CDK5R1: variants seen among roughly 807,000 people sequenced by gnomAD.
The protein encoded by CDK5R1 is cyclin-dependent kinase 5 activator 1.
Under a neutral mutation model 19.0 loss-of-function variants are expected in CDK5R1, and 1 was observed. The observed-to-expected ratio is 0.05, with a 90% CI of 0.02 to 0.25. CDK5R1 has a LOEUF of 0.25. CDK5R1 is among the 10% of genes least tolerant of loss of function. CDK5R1 has a pLI of 1.00. For missense variants in CDK5R1, 314 were observed against 401.0 expected (o/e 0.78, Z 1.85); for synonymous variants, 225 against 187.7 (o/e 1.20, Z -1.62).
chr17:32,487,803 G>T lies in CDK5R1; in HGVS notation c.183G>T (p.Lys61Asn). 6.2e-7 allele frequency: 1 copy of T among 1,614,014 alleles called. No homozygotes were observed. ...AGAGAATCGTGGCCGTGTCGGCCAA[G>T]AAGAAGAACTCCAAGAAGGTGCAGC... Reference protein sequence around the residue: ...PWKRIVAVSAKKKNSKKVQPN... With the variant: ...PWKRIVAVSANKKNSKKVQPN... The change falls in exon 2 of 2, where the codon AAG becomes AAT. Residue 61 changes from lysine to asparagine, a missense_variant. Physicochemically the swap from Lys to Asn is moderately conservative, Grantham distance 94. Around this residue, in one of 3 missense-constraint regions of CDK5R1, gnomAD observed 197 missense variants for 230.2 expected, o/e 0.86. Transcript: ENST00000313401. This position sits in a 1 kb window ranked among gnomAD's most constrained non-coding sequence, Gnocchi z 7.9.
At position 32,488,676 on chromosome 17, in the gene CDK5R1, GT is replaced by G. The variant is rs1209037735; in HGVS notation, c.*139del. The G allele has an allele frequency of 8.7e-6, 13 of 1,493,678 alleles. No individual in the cohort carries two copies. The highest frequency in any genetic ancestry group is 2.4e-4 in the Middle Eastern group (1 of 4,218). The allele number at this position is 1,493,678 out of a possible 1,614,324, so 92.5% of individuals were successfully genotyped here. A position where few individuals can be genotyped will look rare whatever the true frequency, so the allele number is the denominator to read the frequency against. The stretch of plus-strand genomic sequence containing the variant: ...ACCTTTCCCACAGTCTCTCCCTGGG[GT>G]TTTTTTCATCCCTGCCAAGAACTCT... On this transcript the variant is annotated 3_prime_UTR_variant, in exon 2 of 2. Transcript: ENST00000313401.
Position 32,488,781 on chromosome 17 carries a change from T to A in CDK5R1, c.*237T>A. On this transcript the variant is annotated 3_prime_UTR_variant, in exon 2 of 2. Coordinates refer to ENST00000313401, the MANE Select transcript of CDK5R1 (RefSeq NM_003885.3). The stretch of plus-strand genomic sequence containing the variant: ...CCACCCAGGCCACTGACCTCCCACT[T>A]TGGGGAACTCAAAGGACTGACCTGC... 1.5e-6 allele frequency: 1 copy of A among 683,896 alleles called. No individual in the cohort carries two copies. Among genetic ancestry groups the A allele is most frequent in the African/African-American group, 1.8e-5 (1 of 54,862 alleles). The allele number at this position is 683,896 out of a possible 1,614,324, so 42.4% of individuals were successfully genotyped here.
In CDK5R1 at chr17:32,487,827, G is replaced by T; in HGVS notation, c.207G>T (p.Gln69His). 6.2e-7 allele frequency: 1 copy of T among 1,614,134 alleles called. No individual in the cohort carries two copies. Among genetic ancestry groups the T allele is most frequent in the Non-Finnish European group, 8.5e-7 (1 of 1,180,016 alleles). The change falls in exon 2 of 2, where the codon CAG becomes CAT. Residue 69 changes from glutamine (Q) to histidine (H), a missense_variant. Physicochemically the swap from Gln to His is conservative, Grantham distance 24. Around this residue, in one of 3 missense-constraint regions of CDK5R1, gnomAD observed 197 missense variants for 230.2 expected, o/e 0.86. Coordinates refer to ENST00000313401, the MANE Select transcript of CDK5R1 (RefSeq NM_003885.3). This position sits in a 1 kb window ranked among gnomAD's most constrained non-coding sequence, Gnocchi z 7.9. ...AGAAGAAGAACTCCAAGAAGGTGCAGCCCAACAGCAGCTACCAGAACAACA... is the reference window on the plus strand; with the variant it reads ...AGAAGAAGAACTCCAAGAAGGTGCATCCCAACAGCAGCTACCAGAACAACA... ...SAKKKNSKKVQPNSSYQNNIT... is the reference protein window; with the variant it reads ...SAKKKNSKKVHPNSSYQNNIT...
Position 32,487,384 on chromosome 17 carries a change from G to A in CDK5R1, c.-145-92G>A. The A allele has an allele frequency of 4.0e-6, 1 of 249,896 alleles. No individual in the cohort carries two copies. Among genetic ancestry groups the A allele is most frequent in the East Asian group, 8.1e-5 (1 of 12,302 alleles). The allele number at this position is 249,896 out of a possible 1,614,324, so 15.5% of individuals were successfully genotyped here. On this transcript the variant is annotated intron_variant, in intron 1 of 1. Coordinates refer to ENST00000313401, the MANE Select transcript of CDK5R1 (RefSeq NM_003885.3). This position sits in a 1 kb window ranked among gnomAD's most constrained non-coding sequence, Gnocchi z 7.9. ...GGGTAGGGCCCGGGACTGGGGCGGC[G>A]GGGTGCGCCGAGGCGCGGGGCGGAG...
At position 32,490,533 on chromosome 17, in the gene CDK5R1, C is replaced by T. The variant is rs1207388878; in HGVS notation, c.*1989C>T. On this transcript the variant is annotated 3_prime_UTR_variant, in exon 2 of 2. Coordinates refer to ENST00000313401, the MANE Select transcript of CDK5R1 (RefSeq NM_003885.3). ...GACTAAGGGAAGAACTCTCTAGTTC[C>T]CTCAGTGTGAAGCCTGTCGTGTTCT... is the stretch of plus-strand genomic sequence containing the variant. The T allele has an allele frequency of 6.0e-6, 1 of 167,014 alleles. No individual in the cohort carries two copies. Among genetic ancestry groups the T allele is most frequent in the Non-Finnish European group, 1.5e-5 (1 of 68,100 alleles). The allele number at this position is 167,014 out of a possible 1,614,324, so 10.3% of individuals were successfully genotyped here.
Position 32,488,260 on chromosome 17 carries a change from T to G in CDK5R1, c.640T>G (p.Ser214Ala). ...LYMLCRDVISSEVGSDHELQA... is the reference protein window; with the variant it reads ...LYMLCRDVISAEVGSDHELQA... ...CATGCTCTGCAGGGATGTTATCTCC[T>G]CCGAGGTGGGCTCGGATCACGAGCT... The change falls in exon 2 of 2, where the codon TCC becomes GCC. Residue 214 changes from serine (S) to alanine (A), a missense_variant. Physicochemically the swap from Ser to Ala is moderately conservative, Grantham distance 99. Transcript: ENST00000313401. The G allele has an allele frequency of 6.2e-7, 1 of 1,614,062 alleles. No homozygotes were observed. The highest frequency in any genetic ancestry group is 8.5e-7 in the Non-Finnish European group (1 of 1,180,052).
rs1276709382 is a variant in CDK5R1, at chr17:32,487,786, G to C, written c.166G>C (p.Val56Leu). 1 of 1,614,110 alleles carries C rather than the reference G, an allele frequency of 6.2e-7. No homozygotes were observed. ...CTCCGTGCTGCCTTGGAAGAGAATC[G>C]TGGCCGTGTCGGCCAAGAAGAAGAA... ...IISVLPWKRIVAVSAKKKNSK... is the reference protein window; with the variant it reads ...IISVLPWKRILAVSAKKKNSK... The change falls in exon 2 of 2, where the codon GTG becomes CTG. Residue 56 changes from valine to leucine, a missense_variant. Val to Leu is a conservative substitution (Grantham distance 32, BLOSUM62 1). Transcript: ENST00000313401. The surrounding 1 kb of genome is among the most constrained non-coding windows in gnomAD (Gnocchi z 7.9).
Position 32,488,560 on chromosome 17 carries a change from T to TCATG in CDK5R1, c.*17_*20dup. On this transcript the variant is annotated 3_prime_UTR_variant, in exon 2 of 2. Coordinates refer to ENST00000313401, the MANE Select transcript of CDK5R1 (RefSeq NM_003885.3). Reference sequence around the variant, plus strand: ...GGATCGGTGAGCACTGTAGCCTGCGTCATGGCTCAAGGATTCAATGCATTT... The same window carrying TCATG: ...GGATCGGTGAGCACTGTAGCCTGCGTCATGCATGGCTCAAGGATTCAATGCATTT... The TCATG allele has an allele frequency of 6.2e-7, 1 of 1,614,092 alleles. No homozygotes were observed. Among genetic ancestry groups the TCATG allele is most frequent in the Non-Finnish European group, 8.5e-7 (1 of 1,180,020 alleles).
chr17:32,487,689 C>G lies in CDK5R1; in HGVS notation c.69C>G (p.Thr23=), dbSNP rs1219899102. 1 of 1,613,724 alleles carries G rather than the reference C, an allele frequency of 6.2e-7. No homozygotes were observed. The highest frequency in any genetic ancestry group is 8.5e-7 in the Non-Finnish European group (1 of 1,179,924). Residue 23 remains threonine, a synonymous_variant, in exon 2 of 2, where the codon ACC becomes ACG. Coordinates refer to ENST00000313401, the MANE Select transcript of CDK5R1 (RefSeq NM_003885.3). This position sits in a 1 kb window ranked among gnomAD's most constrained non-coding sequence, Gnocchi z 7.9. ...CGCTGTTTGAGGATGGCGCGGCCACCGTGGGCCACTATACGGCCGTACAGA... is the reference window on the plus strand; with the variant it reads ...CGCTGTTTGAGGATGGCGCGGCCACGGTGGGCCACTATACGGCCGTACAGA... The part of the protein sequence containing the change: ...KATLFEDGAA[T]VGHYTAVQNS...
chr17:32,490,774 TAGAAC>T lies in CDK5R1; in HGVS notation c.*2234_*2238del, dbSNP rs563558753. ...TTTTGTGTCTTAAGAAAAATAATCT[TAGAAC>T]AGATGGCTGTGAAAATTACACCCAT... On this transcript the variant is annotated 3_prime_UTR_variant, in exon 2 of 2. Transcript: ENST00000313401. 4 of 167,068 alleles carry T rather than the reference TAGAAC, an allele frequency of 2.4e-5. No individual in the cohort carries two copies. Among genetic ancestry groups the T allele is most frequent in the African/African-American group, 4.8e-5 (2 of 41,452 alleles). 10.3% of individuals were successfully genotyped at this position (167,068 alleles called of 1,614,324 possible). A position where few individuals can be genotyped will look rare whatever the true frequency, so the allele number is the denominator to read the frequency against.
Position 32,488,701 on chromosome 17 carries a change from CTG to C in CDK5R1, c.*158_*159del, listed in dbSNP as rs1387737377. The C allele has an allele frequency of 7.1e-7, 1 of 1,399,048 alleles. No homozygotes were observed. The highest frequency in any genetic ancestry group is 2.5e-5 in the East Asian group (1 of 39,954). 86.7% of individuals were successfully genotyped at this position (1,399,048 alleles called of 1,614,324 possible). On this transcript the variant is annotated 3_prime_UTR_variant, in exon 2 of 2. Coordinates refer to ENST00000313401, the MANE Select transcript of CDK5R1 (RefSeq NM_003885.3). Reference sequence around the variant, plus strand: ...GTTTTTTTCATCCCTGCCAAGAACTCTGGGCACTTTTGAACTCACGAGCCTTG... The same window carrying C: ...GTTTTTTTCATCCCTGCCAAGAACTCGGCACTTTTGAACTCACGAGCCTTG...
Position 32,488,330 on chromosome 17 carries a change from T to C in CDK5R1, c.710T>C (p.Met237Thr). Reference sequence around the variant, plus strand: ...TGCCTGTACCTCTCCTACTCCTACATGGGCAACGAGATCTCCTACCCGCTC... The same window carrying C: ...TGCCTGTACCTCTCCTACTCCTACACGGGCAACGAGATCTCCTACCCGCTC... Reference protein sequence around the residue: ...LTCLYLSYSYMGNEISYPLKP... With the variant: ...LTCLYLSYSYTGNEISYPLKP... The change falls in exon 2 of 2, where the codon ATG becomes ACG. Residue 237 changes from methionine (M) to threonine (T), a missense_variant. This residue lies in a region of CDK5R1 where 106 missense variants were observed against 132.1 expected (regional missense o/e 0.80). Transcript: ENST00000313401. The C allele has an allele frequency of 6.2e-7, 1 of 1,614,108 alleles. No individual in the cohort carries two copies. Among genetic ancestry groups the C allele is most frequent in the Non-Finnish European group, 8.5e-7 (1 of 1,180,014 alleles).
rs1359772323 is a variant in CDK5R1 at position 32,490,425 on chromosome 17, C to G, written c.*1881C>G. Reference sequence around the variant, plus strand: ...GCAGTTACGTTGCATCCACAGGATTCCAGTTGCGTGTCTGTTTCCTTCTCT... The same window carrying G: ...GCAGTTACGTTGCATCCACAGGATTGCAGTTGCGTGTCTGTTTCCTTCTCT... On this transcript the variant is annotated 3_prime_UTR_variant, in exon 2 of 2. Coordinates refer to ENST00000313401, the MANE Select transcript of CDK5R1 (RefSeq NM_003885.3). 1 of 167,176 alleles carries G rather than the reference C, an allele frequency of 6.0e-6. No homozygotes were observed. The highest frequency in any genetic ancestry group is 6.5e-5 in the Admixed American group (1 of 15,286). The allele number at this position is 167,176 out of a possible 1,614,324, so 10.4% of individuals were successfully genotyped here.
At position 32,488,893 on chromosome 17, in the gene CDK5R1, C is replaced by T; in HGVS notation, c.*349C>T. 2 of 387,006 alleles carry T rather than the reference C, an allele frequency of 5.2e-6. No individual in the cohort carries two copies. The highest frequency in any genetic ancestry group is 2.2e-5 in the South Asian group (1 of 45,898). 24.0% of individuals were successfully genotyped at this position (387,006 alleles called of 1,614,324 possible). A position where few individuals can be genotyped will look rare whatever the true frequency, so the allele number is the denominator to read the frequency against. ...GGAGCTAGAGAGGGGCCTCTGGCTG[C>T]CTGGCCCAGGGAGGAATTGGGGTTT... On this transcript the variant is annotated 3_prime_UTR_variant, in exon 2 of 2. Transcript: ENST00000313401.
chr17:32,488,735 AC>A lies in CDK5R1; in HGVS notation c.*194del. On this transcript the variant is annotated 3_prime_UTR_variant, in exon 2 of 2. Coordinates refer to ENST00000313401, the MANE Select transcript of CDK5R1 (RefSeq NM_003885.3). ...TTTGAACTCACGAGCCTTGCGCAAA[AC>A]CCAGAAGATGTATTCAGAGCCACCC... is the stretch of plus-strand genomic sequence containing the variant. The A allele has an allele frequency of 1.8e-6, 2 of 1,087,600 alleles. No individual in the cohort carries two copies. Among genetic ancestry groups the A allele is most frequent in the Admixed American group, 2.3e-5 (1 of 43,752 alleles). 67.4% of individuals were successfully genotyped at this position (1,087,600 alleles called of 1,614,324 possible).
chr17:32,487,603 C>G lies in CDK5R1; in HGVS notation c.-18C>G. On this transcript the variant is annotated 5_prime_UTR_variant, in exon 2 of 2. Coordinates refer to ENST00000313401, the MANE Select transcript of CDK5R1 (RefSeq NM_003885.3). The surrounding 1 kb of genome is among the most constrained non-coding windows in gnomAD (Gnocchi z 7.9). ...GGCGCGCAGGGGCGCGAGCCCCCGC[C>G]CGGCGCGCAGCAGCACCATGGGCAC... is the stretch of plus-strand genomic sequence containing the variant. The G allele has an allele frequency of 6.2e-7, 1 of 1,602,068 alleles. No individual in the cohort carries two copies. Among genetic ancestry groups the G allele is most frequent in the Non-Finnish European group, 8.5e-7 (1 of 1,175,106 alleles).
In CDK5R1 at chr17:32,488,433, G is replaced by T; in HGVS notation, c.813G>T (p.Lys271Asn). The T allele has an allele frequency of 1.2e-6, 2 of 1,614,078 alleles. No homozygotes were observed. The highest frequency in any genetic ancestry group is 1.7e-6 in the Non-Finnish European group (2 of 1,180,020). The change falls in exon 2 of 2, where the codon AAG becomes AAT. Residue 271 changes from lysine to asparagine, a missense_variant. Coordinates refer to ENST00000313401, the MANE Select transcript of CDK5R1 (RefSeq NM_003885.3). ...CTGTCATCAACCTCATGAGCTCAAA[G>T]ATGCTGCAGATAAATGCCGACCCAC... ...CLSVINLMSSKMLQINADPHY... is the reference protein window; with the variant it reads ...CLSVINLMSSNMLQINADPHY...
Position 32,488,157 on chromosome 17 carries a change from C to A in CDK5R1, c.537C>A (p.Arg179=), listed in dbSNP as rs1908745640. 3 of 1,613,624 alleles carry A rather than the reference C, an allele frequency of 1.9e-6. No individual in the cohort carries two copies. The highest frequency in any genetic ancestry group is 1.6e-4 in the Middle Eastern group (1 of 6,082). The change falls in exon 2 of 2, where the codon CGC becomes CGA. Residue 179 remains arginine (R), a synonymous_variant. Transcript: ENST00000313401. ...LSPTDPVLWL[R]SVDRSLLLQG... is the part of the protein sequence containing the mutation. Reference sequence around the variant, plus strand: ...CCACGGACCCCGTGCTCTGGCTGCGCAGCGTGGACCGCTCGCTGCTTCTGC... The same window carrying A: ...CCACGGACCCCGTGCTCTGGCTGCGAAGCGTGGACCGCTCGCTGCTTCTGC...
In CDK5R1 at chr17:32,488,573, A is replaced by G. The variant is rs767377634; in HGVS notation, c.*29A>G. On this transcript the variant is annotated 3_prime_UTR_variant, in exon 2 of 2. Transcript: ENST00000313401. ...CTGTAGCCTGCGTCATGGCTCAAGG[A>G]TTCAATGCATTTTTAAGAATTTATT... 1 of 1,613,820 alleles carries G rather than the reference A, an allele frequency of 6.2e-7. No individual in the cohort carries two copies. The highest frequency in any genetic ancestry group is 8.5e-7 in the Non-Finnish European group (1 of 1,179,976).
Sources: gnomAD v4.1 joint callset for allele counts on GRCh38, gnomAD v4.1.1 for gene constraint, gnomAD v4.1.1 regional missense constraint, Gnocchi (gnomAD v3.1) non-coding constraint, MANE v1.5 for transcripts, NCBI Gene and HGNC (gene_info 2026-07-23, HGNC 2026-07-21) for gene names.